RAB12: variants seen among roughly 807,000 people sequenced by gnomAD.
RAB12 encodes ras-related protein Rab-12.
A neutral mutation model predicts 28.4 loss-of-function variants in RAB12; 11 were observed. That is an observed-to-expected ratio of 0.39 (90% CI 0.24 to 0.64). The LOEUF (loss-of-function observed/expected upper bound fraction) is 0.64, where lower values mean the gene tolerates loss of function less well. Among genes scored for constraint, RAB12 ranks in the 30% least tolerant of loss-of-function variants. The probability of loss-of-function intolerance (pLI) is 0.50; values close to 1 mark genes in which losing one functional copy is unlikely to be tolerated. For missense variants in RAB12, 276 were observed against 351.1 expected, an observed-to-expected ratio of 0.79 and a Z score of 1.71; for synonymous variants, 138 against 145.3, an observed-to-expected ratio of 0.95 and a Z score of 0.36.
intron 1 of RAB12, among the ~76,000 whole-genome samples, chr18:8,620,557 G>GT (rs1336269928): frequency 6.8e-6 from 1 of 147,726 alleles, no homozygotes; most frequent in African/African-American, 2.5e-5. Context: ...CTACTCAGAT[G>GT]CCTTTTTTTT....
intron 2 of RAB12, among the ~76,000 whole-genome samples, chr18:8,630,136 C>T (rs564288083): frequency 3.9e-5 from 6 of 152,170 alleles, no homozygotes; most frequent in Non-Finnish European, 7.3e-5. Context: ...TAAGGACACA[C>T]CTATGACACA....
At chr18:8,622,010 C>T (rs141977906) in intron 1 of RAB12, among the ~76,000 whole-genome samples, 219 of 152,228 alleles carry the variant, frequency 1.4e-3, no homozygotes, top group African/African-American at 5.2e-3. Context: ...ACAAAATAGT[C>T]CTAGTGTAGG....
At chr18:8,621,679 C>T (rs1242038994) in intron 1 of RAB12, among the ~76,000 whole-genome samples, 1 of 151,824 alleles carries the variant, frequency 6.6e-6, no homozygotes, top group Non-Finnish European at 1.5e-5. Context: ...GGGTGAATTG[C>T]GTGTCATGGG....
In RAB12 at chr18:8,609,725, T is replaced by G; in HGVS notation, c.286T>G (p.Cys96Gly). 1 of 1,132,756 alleles carries G rather than the reference T, an allele frequency of 8.8e-7. No individual in the cohort carries two copies. Among genetic ancestry groups the G allele is most frequent in the Non-Finnish European group, 1.1e-6 (1 of 925,060 alleles). 70.2% of individuals were successfully genotyped at this position (1,132,756 alleles called of 1,614,324 possible). The change falls in exon 1 of 6, where the codon TGT (cysteine) becomes GGT (glycine). Residue 96 changes from cysteine to glycine, a missense_variant. Transcript: ENST00000649141. The part of the protein sequence containing the change: ...GRRAEREPHA[C>G]MDPGAALQRR... ...GCGGGCCGAGCGGGAGCCGCATGCG[T>G]GTATGGATCCGGGCGCCGCGCTGCA...
intron 5 of RAB12, 106 bp from the exon 6 acceptor site, chr18:8,638,043 G>T: frequency 4.5e-6 from 3 of 662,166 alleles, no homozygotes; most frequent in Non-Finnish European, 7.9e-6. Context: ...TTGAAAAGCA[G>T]CTGTGTATAA....
intron 1 of RAB12, among the ~76,000 whole-genome samples, chr18:8,611,838 T>C (rs1044149237): frequency 2.6e-5 from 4 of 152,230 alleles, no homozygotes; most frequent in African/African-American, 9.6e-5. Context: ...TGTGGTTGAA[T>C]TTCTGTCTTG....
In RAB12 at chr18:8,609,833, C is replaced by G. The variant is rs1371555974; in HGVS notation, c.394C>G (p.Pro132Ala). 2.6e-6 allele frequency: 4 copies of G among 1,567,934 alleles called. No individual in the cohort carries two copies. Among genetic ancestry groups the G allele is most frequent in the Admixed American group, 1.8e-5 (1 of 54,896 alleles). ...CCAGGGCCGCCGGAGGAAGCAGCCC[C>G]CCAGGCCGGCCGACTTCAAGTTGCA... ...GGQGRRRKQP[P>A]RPADFKLQVI... is the part of the protein sequence containing the mutation. Residue 132 changes from proline to alanine, a missense_variant, in exon 1 of 6, where the codon CCC (proline) becomes GCC (alanine). Pro to Ala is a conservative substitution (Grantham distance 27, BLOSUM62 -1). Coordinates refer to ENST00000649141, the MANE Select transcript of RAB12 (RefSeq NM_001025300.3).
chr18:8,631,347 C>T (rs1305475468), intron 2 of RAB12, among the ~76,000 whole-genome samples: 3 of 152,124 alleles, frequency 2.0e-5, no homozygotes, highest in Admixed American at 2.0e-4. Flanking sequence ...AACAGCCTAC[C>T]ATAGAGGTGT....
chr18:8,609,519 G>T lies in RAB12; in HGVS notation c.80G>T (p.Gly27Val), dbSNP rs1415678045. The part of the protein sequence containing the change: ...GGGGGSGGGG[G>V]GGDPGAESRP... ...GGCGGCGGCAGCGGCGGAGGAGGAG[G>T]AGGAGGGGACCCGGGCGCAGAGAGC... Residue 27 changes from glycine (G) to valine (V), a missense_variant, in exon 1 of 6, where the codon GGA (glycine) becomes GTA (valine). This residue lies in a region of RAB12 where 72 missense variants were observed against 55.5 expected (regional missense o/e 1.30). Coordinates refer to ENST00000649141, the MANE Select transcript of RAB12 (RefSeq NM_001025300.3). 1 of 150,580 alleles carries T rather than the reference G, an allele frequency of 6.6e-6. No homozygotes were observed. Among genetic ancestry groups the T allele is most frequent in the East Asian group, 1.9e-4 (1 of 5,146 alleles). 9.3% of individuals were successfully genotyped at this position (150,580 alleles called of 1,614,324 possible).
chr18:8,624,451 A>G (rs1158332072), intron 1 of RAB12, among the ~76,000 whole-genome samples: 2 of 152,348 alleles, frequency 1.3e-5, no homozygotes, highest in East Asian at 3.9e-4. Flanking sequence ...TTATGTTTAT[A>G]TTTACCTAAA....
intron 2 of RAB12, among the ~76,000 whole-genome samples, chr18:8,629,446 A>G (rs980764094): frequency 9.8e-5 from 15 of 152,298 alleles, no homozygotes; most frequent in African/African-American, 3.6e-4. Flanking sequence ...CCAAAAGATG[A>G]AGTTTCTTTG....
chr18:8,615,753 T>C (rs991326853), intron 1 of RAB12, among the ~76,000 whole-genome samples: 3 of 152,268 alleles, frequency 2.0e-5, no homozygotes, highest in African/African-American at 7.2e-5. Context: ...AGAGAAAGCA[T>C]GCAGATTTAG....
At chr18:8,619,636 G>A (rs1262317156) in intron 1 of RAB12, among the ~76,000 whole-genome samples, 1 of 152,176 alleles carries the variant, frequency 6.6e-6, no homozygotes, top group African/African-American at 2.4e-5. Context: ...GGGCAGTGGT[G>A]TAAATTTGAG....
At chr18:8,613,202 C>G (rs1024419786) in intron 1 of RAB12, among the ~76,000 whole-genome samples, 2 of 152,158 alleles carry the variant, frequency 1.3e-5, no homozygotes, top group African/African-American at 4.8e-5. Flanking sequence ...ATGGAATTGT[C>G]TCATATTTTC....
chr18:8,626,405 G>C lies in RAB12; in HGVS notation c.575+1407G>C, dbSNP rs566079927. On this transcript the variant is annotated intron_variant, in intron 2 of 5. Transcript: ENST00000649141. ...AGTGATGTAAACATTATTAGAATGTGTGACGCCTGCCTTGGTGACAGCCAT... is the reference window on the plus strand; with the variant it reads ...AGTGATGTAAACATTATTAGAATGTCTGACGCCTGCCTTGGTGACAGCCAT... Among the ~76,000 whole-genome samples, 16 of 152,340 alleles carry C rather than the reference G, an allele frequency of 1.1e-4. No homozygotes were observed. In the South Asian group the frequency reaches 1.9e-3, roughly 18 times the overall value.
chr18:8,638,881 T>C lies in RAB12; in HGVS notation c.*619T>C, dbSNP rs887455295. 6.6e-6 allele frequency: 1 copy of C among 152,302 alleles called. No homozygotes were observed. The highest frequency in any genetic ancestry group is 6.5e-5 in the Admixed American group (1 of 15,276). 9.4% of individuals were successfully genotyped at this position (152,302 alleles called of 1,614,324 possible). On this transcript the variant is annotated 3_prime_UTR_variant, in exon 6 of 6. Coordinates refer to ENST00000649141, the MANE Select transcript of RAB12 (RefSeq NM_001025300.3). Reference sequence around the variant, plus strand: ...CTTGGTCCTAAGGCCACAGAATCTCTCTCATGGCTTCCTAAGGGATGTACC... The same window carrying C: ...CTTGGTCCTAAGGCCACAGAATCTCCCTCATGGCTTCCTAAGGGATGTACC...
chr18:8,637,913 T>A (rs1162672539), intron 5 of RAB12, among the ~76,000 whole-genome samples: 1 of 152,138 alleles, frequency 6.6e-6, no homozygotes. Context: ...TGTGTCATCT[T>A]CACATTGAGT....
intron 5 of RAB12, among the ~76,000 whole-genome samples, chr18:8,637,610 T>A (rs756947842): frequency 2.9e-4 from 44 of 152,254 alleles, no homozygotes; most frequent in Admixed American, 7.9e-4. Flanking sequence ...GGAAAGCATT[T>A]ACAGTTGACC....
chr18:8,623,224 T>C (rs536369247), intron 1 of RAB12, among the ~76,000 whole-genome samples: 20 of 152,240 alleles, frequency 1.3e-4, no homozygotes, highest in African/African-American at 4.6e-4. Context: ...TCTTCACAAT[T>C]TATGTTTAGA....
Sources: gnomAD v4.1 joint callset for allele counts (sites outside exome capture counted in the v4.1 genomes callset) on GRCh38, gnomAD v4.1.1 for gene constraint, gnomAD v4.1.1 regional missense constraint, MANE v1.5 for transcripts, NCBI Gene and HGNC (gene_info 2026-07-23, HGNC 2026-07-21) for gene names.